The following OGT variants were observed in gnomAD, a reference collection of about 807,000 sequenced individuals.
OGT encodes O-linked N-acetylglucosamine (GlcNAc) transferase.
A neutral mutation model predicts 75.8 loss-of-function variants in OGT; 3 were observed. That is an observed-to-expected ratio of 0.04 (90% CI 0.02 to 0.10). The LOEUF (loss-of-function observed/expected upper bound fraction) is 0.10, where lower values mean the gene tolerates loss of function less well. Among genes scored for constraint, OGT ranks in the 10% least tolerant of loss-of-function variants. The pLI, the probability that OGT is intolerant of heterozygous loss-of-function variation, is 1.00. For synonymous variants in OGT, 257 were observed against 289.7 expected (o/e 0.89, Z 1.15); for missense variants, 260 against 824.4 (o/e 0.32, Z 8.38).
At position 71,547,982 on chromosome X, in the gene OGT, G is replaced by A; in HGVS notation, c.607G>A (p.Ala203Thr). Residue 203 changes from alanine (A) to threonine (T), a missense_variant, in exon 5 of 22, where the codon GCA becomes ACA. Physicochemically the swap from Ala to Thr is moderately conservative, Grantham distance 58. Transcript: ENST00000373719. ...AWSNLGCVFN[A>T]QGEIWLAIHH... ...GAGTAATCTTGGCTGTGTTTTCAAT[G>A]CACAAGGGGAAATTTGGCTTGCAAT... is the stretch of plus-strand genomic sequence containing the variant. The A allele has an allele frequency of 8.3e-7, 1 of 1,209,955 alleles. No homozygotes were observed. The highest frequency in any genetic ancestry group is 1.1e-6 in the Non-Finnish European group (1 of 894,720).
chrX:71,536,472 C>T (rs1029820446), intron 2 of OGT, 114 bp downstream of exon 2: 6 of 563,845 alleles, frequency 1.1e-5, no homozygotes, highest in African/African-American at 2.4e-5. Context: ...TCAACTGAGC[C>T]GCCAACGCAC....
At position 71,533,249 on chromosome X, in the gene OGT, G is replaced by C. The variant is rs1207462149; in HGVS notation, c.-51G>C. Reference sequence around the variant, plus strand: ...TCCAAATACGTTCTTGCTGGTAGTGGCGGCAGCAGGACCAATTACCTCTTT... The same window carrying C: ...TCCAAATACGTTCTTGCTGGTAGTGCCGGCAGCAGGACCAATTACCTCTTT... On this transcript the variant is annotated 5_prime_UTR_variant, in exon 1 of 22. Coordinates refer to ENST00000373719, the MANE Select transcript of OGT (RefSeq NM_181672.3). The C allele has an allele frequency of 8.8e-7, 1 of 1,138,813 alleles. No homozygotes were observed. Among genetic ancestry groups the C allele is most frequent in the African/African-American group, 1.8e-5 (1 of 55,349 alleles). 93.9% of individuals were successfully genotyped at this position (1,138,813 alleles called of 1,213,427 possible). A position where few individuals can be genotyped will look rare whatever the true frequency, so the allele number is the denominator to read the frequency against.
chrX:71,564,824 C>A, intron 19 of OGT, 71 bp downstream of exon 19: 4 of 879,345 alleles, frequency 4.5e-6, no homozygotes, highest in Non-Finnish European at 6.4e-6. Flanking sequence ...GATGGTCCTT[C>A]CACTCCCATT....
At chrX:71,568,405 C>T (rs1251798970) in intron 21 of OGT, among the ~76,000 whole-genome samples, 1 of 112,339 alleles carries the variant, frequency 8.9e-6, no homozygotes, top group Non-Finnish European at 1.9e-5. Context: ...GTAAAGACTG[C>T]AGAACATTTA....
At chrX:71,546,333 A>G in intron 4 of OGT, 1 of 753,761 alleles carries the variant, frequency 1.3e-6, no homozygotes, top group Non-Finnish European at 1.6e-6. Context: ...CACCATTGAT[A>G]TTGTATTTAG....
chrX:71,536,511 C>A, intron 2 of OGT, 153 bp downstream of exon 2: 1 of 386,723 alleles, frequency 2.6e-6, no homozygotes, highest in Non-Finnish European at 4.3e-6. Flanking sequence ...TTGTGACATG[C>A]CCAGCTGCCA....
intron 12 of OGT, 144 bp from the exon 13 acceptor site, chrX:71,559,123 G>C (rs1206024998): frequency 2.1e-6 from 1 of 473,199 alleles, no homozygotes; most frequent in Non-Finnish European, 3.5e-6. Context: ...TGCTGAGGTT[G>C]CATCTCTCTG....
Position 71,544,630 on chromosome X carries a change from G to T in OGT, c.526G>T (p.Ala176Ser). Residue 176 changes from alanine (A) to serine (S), a missense_variant, in exon 4 of 22, where the codon GCC (alanine) becomes TCC (serine). Transcript: ENST00000373719. ...LLKALGRLEEAKACYLKAIET... is the reference protein window; with the variant it reads ...LLKALGRLEESKACYLKAIET... ...CAAAGCCCTGGGTCGCTTGGAAGAA[G>T]CCAAGGTAGGTGTTTGATAGAACAC... 8.3e-7 allele frequency: 1 copy of T among 1,204,560 alleles called. No individual in the cohort carries two copies. Among genetic ancestry groups the T allele is most frequent in the Non-Finnish European group, 1.1e-6 (1 of 889,699 alleles).
Position 71,563,515 on chromosome X carries a change from T to C in OGT, c.2436+16T>C. 1 of 1,138,468 alleles carries C rather than the reference T, an allele frequency of 8.8e-7. No homozygotes were observed. The highest frequency in any genetic ancestry group is 2.0e-5 in the South Asian group (1 of 49,646). 93.8% of individuals were successfully genotyped at this position (1,138,468 alleles called of 1,213,427 possible). ...AACTACTCAGGTGAGAAGATAATAA[T>C]ACACCATTATATGTCCCGCCAAGTA... On this transcript the variant is annotated intron_variant, in intron 18 of 21. Coordinates refer to ENST00000373719, the MANE Select transcript of OGT (RefSeq NM_181672.3).
intron 4 of OGT, chrX:71,546,692 A>G (rs976062751): frequency 5.9e-5 from 44 of 741,097 alleles, no homozygotes; most frequent in Non-Finnish European, 7.0e-5. Context: ...TACTTAGTAA[A>G]AGCTTCTAAC....
At chrX:71,558,996 T>A (rs1250336150) in intron 12 of OGT, among the ~76,000 whole-genome samples, 1 of 102,872 alleles carries the variant, frequency 9.7e-6, no homozygotes, top group Non-Finnish European at 2.0e-5. Flanking sequence ...TTGGCCAGGC[T>A]GGTCTCGAAC....
At chrX:71,567,839 A>G in intron 20 of OGT, 87 bp downstream of exon 20, 2 of 1,079,874 alleles carry the variant, frequency 1.9e-6, no homozygotes, top group Non-Finnish European at 2.5e-6. Context: ...AATTATATGT[A>G]CTAGGAGCAA....
At chrX:71,542,119 C>T (rs184663129) in intron 3 of OGT, among the ~76,000 whole-genome samples, 1,566 of 112,010 alleles carry the variant, frequency 0.014, 27 homozygotes, top group African/African-American at 0.048. Context: ...TATATCTTTT[C>T]CCTATAGTTC....
At position 71,533,140 on chromosome X, in the gene OGT, T is replaced by C; in HGVS notation, c.-160T>C. The C allele has an allele frequency of 4.1e-6, 2 of 493,010 alleles. No homozygotes were observed. The highest frequency in any genetic ancestry group is 5.9e-5 in the South Asian group (2 of 33,979). The allele number at this position is 493,010 out of a possible 1,213,427, so 40.6% of individuals were successfully genotyped here. ...GTACTAGGTAGATGGTCAATTAGAG[T>C]TCCCAGGGTTTGAAGCCTGTAACTG... On this transcript the variant is annotated 5_prime_UTR_variant, in exon 1 of 22. Coordinates refer to ENST00000373719, the MANE Select transcript of OGT (RefSeq NM_181672.3).
intron 5 of OGT, among the ~76,000 whole-genome samples, chrX:71,550,089 G>C (rs955232507): frequency 8.9e-6 from 1 of 112,048 alleles, no homozygotes; most frequent in Non-Finnish European, 1.9e-5. Context: ...ATCTTTGGAA[G>C]ACTTACAAGG....
At chrX:71,549,163 G>A (rs113774427) in intron 5 of OGT, among the ~76,000 whole-genome samples, 169 of 107,618 alleles carry the variant, frequency 1.6e-3, no homozygotes, top group African/African-American at 5.6e-3. Flanking sequence ...GGGTGTGGCA[G>A]TGTGCTCCTG....
chrX:71,551,224 T>A (rs1167880396), intron 5 of OGT, among the ~76,000 whole-genome samples: 1 of 112,677 alleles, frequency 8.9e-6, no homozygotes, highest in Admixed American at 9.4e-5. Flanking sequence ...TTCCCTCTCC[T>A]GTATGAACTA....
chrX:71,545,831 T>C (rs2040256045), intron 4 of OGT: 1 of 112,517 alleles, frequency 8.9e-6, no homozygotes, highest in Non-Finnish European at 1.9e-5. Flanking sequence ...AAGCTCCTAT[T>C]AATTGTCACC....
intron 19 of OGT, 68 bp from the exon 20 acceptor site, chrX:71,567,432 C>T: frequency 1.1e-6 from 1 of 944,347 alleles, no homozygotes; most frequent in Non-Finnish European, 1.4e-6. Context: ...TTATTAGAGA[C>T]CTCTGGGAGT....
Sources: allele counts gnomAD v4.1 joint callset (sites outside exome capture counted in the v4.1 genomes callset), GRCh38; gene constraint gnomAD v4.1.1; transcripts MANE v1.5; gene names NCBI Gene and HGNC (gene_info 2026-07-23, HGNC 2026-07-21).